GALK2: variants seen among roughly 807,000 people sequenced by gnomAD.
GALK2 encodes the protein N-acetylgalactosamine kinase.
A neutral mutation model predicts 52.4 loss-of-function variants in GALK2; 36 were observed. The ratio of observed to expected loss-of-function variants is 0.69; its 90% CI spans 0.53 to 0.91. The LOEUF (loss-of-function observed/expected upper bound fraction) is 0.91. Among genes scored for constraint, GALK2 ranks in the 40% least tolerant of loss-of-function variants. The pLI is 0.00. For missense variants in GALK2, 579 were observed against 559.1 expected, an observed-to-expected ratio of 1.04 and a Z score of -0.36; for synonymous variants, 176 against 199.1, an observed-to-expected ratio of 0.88 and a Z score of 0.98.
At chr15:49,175,910 A>G (rs1276884083) in intron 1 of GALK2, among the ~76,000 whole-genome samples, 7 of 152,014 alleles carry the variant, frequency 4.6e-5, no homozygotes, top group Admixed American at 4.6e-4. Context: ...TGCTCAATCG[A>G]TCATGACCCT....
chr15:49,319,214 A>G, intron 8 of GALK2: 1 of 352,996 alleles, frequency 2.8e-6, no homozygotes, highest in Non-Finnish European at 5.5e-6. Context: ...TCGGCCTCCC[A>G]AAGTGCTGGG....
At position 49,239,168 on chromosome 15, in the gene GALK2, A is replaced by G. The variant is rs374091264; in HGVS notation, c.358-53A>G. 256 of 1,514,654 alleles carry G rather than the reference A, an allele frequency of 1.7e-4. 4 individuals are homozygous for G. In the South Asian group the frequency reaches 2.8e-3, roughly 17 times the overall value. The allele number at this position is 1,514,654 out of a possible 1,614,324, so 93.8% of individuals were successfully genotyped here. ...CTGGGGAATGAAAGAAGCTTTCACT[A>G]CTCCTTGAATTCAATACTGAATTAC... On this transcript the variant is annotated intron_variant, in intron 4 of 9. Coordinates refer to ENST00000560031, the MANE Select transcript of GALK2 (RefSeq NM_002044.4).
At chr15:49,306,594 G>T (rs1490586942) in intron 8 of GALK2, among the ~76,000 whole-genome samples, 1 of 152,066 alleles carries the variant, frequency 6.6e-6, no homozygotes, top group African/African-American at 2.4e-5. Flanking sequence ...ATTAATAGAA[G>T]AAATCTAGGA....
intron 1 of GALK2, among the ~76,000 whole-genome samples, chr15:49,162,670 T>G (rs534665686): frequency 6.6e-6 from 1 of 152,342 alleles, no homozygotes; most frequent in East Asian, 1.9e-4. Flanking sequence ...TCAATCCTGA[T>G]AGGAAAGATG....
chr15:49,196,745 T>C (rs2087268343), intron 1 of GALK2, among the ~76,000 whole-genome samples: 1 of 152,242 alleles, frequency 6.6e-6, no homozygotes, highest in Non-Finnish European at 1.5e-5. Context: ...CATTGCCTTA[T>C]AGTTTTGCCT....
At position 49,328,652 on chromosome 15, in the gene GALK2, T is replaced by C; in HGVS notation, c.*493T>C. 1.3e-6 allele frequency: 2 copies of C among 1,570,688 alleles called. No homozygotes were observed. Among genetic ancestry groups the C allele is most frequent in the East Asian group, 2.3e-5 (1 of 43,496 alleles). ...ATGACGATAGTGATGCCACACATTC[T>C]CTCTCAATTTCAGCTTCGGAACGCT... On this transcript the variant is annotated 3_prime_UTR_variant, in exon 10 of 10. Transcript: ENST00000560031.
intron 1 of GALK2, among the ~76,000 whole-genome samples, chr15:49,158,278 G>A (rs981370220): frequency 7.2e-5 from 11 of 152,076 alleles, no homozygotes; most frequent in Admixed American, 6.6e-5. Flanking sequence ...ACAAGATGAC[G>A]GAATGAGGCA....
chr15:49,278,519 T>C (rs1453773733), intron 5 of GALK2, among the ~76,000 whole-genome samples: 1 of 152,206 alleles, frequency 6.6e-6, no homozygotes, highest in Non-Finnish European at 1.5e-5. Flanking sequence ...ACCAACTGTG[T>C]AGTACTTTAG....
intron 1 of GALK2, among the ~76,000 whole-genome samples, chr15:49,161,557 C>T (rs1937618373): frequency 6.6e-6 from 1 of 151,792 alleles, no homozygotes. Flanking sequence ...GTAATTTTAA[C>T]AGAGTGTATT....
intron 5 of GALK2, among the ~76,000 whole-genome samples, chr15:49,269,895 A>G (rs1422902685): frequency 1.3e-5 from 2 of 152,210 alleles, no homozygotes; most frequent in Non-Finnish European, 2.9e-5. Flanking sequence ...CCTCCTTTTG[A>G]TAGTAGAATC....
At chr15:49,302,857 G>A (rs2035225926) in intron 8 of GALK2, among the ~76,000 whole-genome samples, 1 of 152,038 alleles carries the variant, frequency 6.6e-6, no homozygotes, top group Admixed American at 6.6e-5. Flanking sequence ...CAATAAAATG[G>A]GTCCTTTGGT....
At chr15:49,258,480 A>G (rs1488367066) in intron 5 of GALK2, among the ~76,000 whole-genome samples, 1 of 152,104 alleles carries the variant, frequency 6.6e-6, no homozygotes, top group Non-Finnish European at 1.5e-5. Flanking sequence ...CACTAACTAT[A>G]TGCTAGGCTT....
rs945444860 is a variant in GALK2, at chr15:49,281,986, G to C, written c.505-1G>C. 5 of 1,611,182 alleles carry C rather than the reference G, an allele frequency of 3.1e-6. No individual in the cohort carries two copies. The African/African-American group carries it at 6.7e-5, about 22-fold the overall frequency. Reference sequence around the variant, plus strand: ...GTACAAATCAGTTTTTACCTTTCCAGGTGGAACTTGCAGAAATCTGTGCCA... The same window carrying C: ...GTACAAATCAGTTTTTACCTTTCCACGTGGAACTTGCAGAAATCTGTGCCA... On this transcript the variant is annotated splice_acceptor_variant, in intron 5 of 9. Transcript: ENST00000560031. LOFTEE classifies it high-confidence loss of function.
At position 49,255,509 on chromosome 15, in the gene GALK2, A is replaced by T. The variant is rs1405359981; in HGVS notation, c.504+16142A>T. 2.8e-5 allele frequency among the ~76,000 whole-genome samples: 4 copies of T among 143,112 alleles called. 1 individual carries two copies. The highest frequency in any genetic ancestry group is 6.3e-5 in the Non-Finnish European group (4 of 63,814). 93.9% of individuals were successfully genotyped at this position (143,112 alleles called of 152,430 possible). On this transcript the variant is annotated intron_variant, in intron 5 of 9. Transcript: ENST00000560031. ...CAAATTTCCTGAATTTGGATTTGTCAGACGGTTGCCTTATTATTAGATTGA... is the reference window on the plus strand; with the variant it reads ...CAAATTTCCTGAATTTGGATTTGTCTGACGGTTGCCTTATTATTAGATTGA...
chr15:49,292,561 A>G (rs369173850), intron 8 of GALK2, 24 bp downstream of exon 8: 5 of 1,576,154 alleles, frequency 3.2e-6, no homozygotes, highest in African/African-American at 2.7e-5. Context: ...AGAAAGTATG[A>G]TATATGTTAT....
At chr15:49,295,115 A>C (rs892237985) in intron 8 of GALK2, among the ~76,000 whole-genome samples, 3 of 151,364 alleles carry the variant, frequency 2.0e-5, no homozygotes, top group African/African-American at 7.3e-5. Context: ...TTCAGTTGCA[A>C]TTGGCAATTG....
chr15:49,208,498 T>A (rs1326763238), intron 2 of GALK2, among the ~76,000 whole-genome samples: 1 of 152,212 alleles, frequency 6.6e-6, no homozygotes, highest in African/African-American at 2.4e-5. Context: ...CAGTTTTATT[T>A]CATTGTAGTT....
At chr15:49,365,593 T>C in intron 3 of GALK2, 1 of 975,664 alleles carries the variant, frequency 1.0e-6, no homozygotes, top group Admixed American at 1.7e-5. Flanking sequence ...ACTCTCACCA[T>C]TCTTTGTGAT....
Position 49,263,853 on chromosome 15 carries a change from T to A in GALK2, c.505-18134T>A, listed in dbSNP as rs1400538069. Among the ~76,000 whole-genome samples, 3 of 149,088 alleles carry A rather than the reference T, an allele frequency of 2.0e-5. No individual in the cohort carries two copies. In the East Asian group the frequency reaches 5.8e-4, roughly 29 times the overall value. On this transcript the variant is annotated intron_variant, in intron 5 of 9. Coordinates refer to ENST00000560031, the MANE Select transcript of GALK2 (RefSeq NM_002044.4). ...AAGCTTAGTTTGGCTGGATATGAAA[T>A]TCTGGGTTGAAAATTCTTTTCTTTC...
Sources: gnomAD v4.1 joint callset for allele counts (sites outside exome capture counted in the v4.1 genomes callset) on GRCh38, gnomAD v4.1.1 for gene constraint, MANE v1.5 for transcripts, NCBI Gene and HGNC (gene_info 2026-07-23, HGNC 2026-07-21) for gene names.